NEBL: variants seen among roughly 807,000 people sequenced by gnomAD.
NEBL encodes the protein nebulette.
A neutral mutation model predicts 140.2 loss-of-function variants in NEBL; 122 were observed. The ratio of observed to expected loss-of-function variants is 0.87; its 90% CI spans 0.75 to 1.01. The LOEUF is 1.01. Ranked by LOEUF, NEBL falls within the 50% of genes least tolerant of loss-of-function variation. The probability of loss-of-function intolerance (pLI) is 0.00; values close to 1 mark genes in which losing one functional copy is unlikely to be tolerated. For missense variants in NEBL, 1,365 were observed against 1,231.3 expected (o/e 1.11, Z -1.62); for synonymous variants, 436 against 398.9 (o/e 1.09, Z -1.11).
upstream of NEBL, among the ~76,000 whole-genome samples, chr10:21,177,035 G>A (rs541448422): frequency 1.3e-5 from 2 of 152,300 alleles, no homozygotes; most frequent in East Asian, 3.9e-4. Flanking sequence ...AGAGTGTGAT[G>A]GATAGTATGA....
rs1225998751 is a variant in NEBL at position 20,834,238 on chromosome 10, T to A, written c.1449+1275A>T. ...CCCATTTAAGATTTTTTTAAGTCGC[T>A]GTGTGTACATGTGTATGTTTATCTA... On this transcript the variant is annotated intron_variant, in intron 14 of 27. Coordinates refer to ENST00000377122, the MANE Select transcript of NEBL (RefSeq NM_006393.3). Among the ~76,000 whole-genome samples, 2 of 152,168 alleles carry A rather than the reference T, an allele frequency of 1.3e-5. 1 individual carries two copies. Among genetic ancestry groups the A allele is most frequent in the East Asian group, 3.9e-4 (2 of 5,190 alleles).
At chr10:21,228,046 T>C (rs935164854) in intron 3 of NEBL, among the ~76,000 whole-genome samples, 1 of 151,996 alleles carries the variant, frequency 6.6e-6, no homozygotes, top group Non-Finnish European at 1.5e-5. Flanking sequence ...AGTGTTCCCA[T>C]ATGAAGGAGT....
chr10:21,066,824 C>T (rs201428884), intron 2 of NEBL, among the ~76,000 whole-genome samples: 19 of 121,570 alleles, frequency 1.6e-4, no homozygotes, highest in East Asian at 1.5e-3. Flanking sequence ...CATTGTTCTG[C>T]GGTTTTTCTA....
intron 4 of NEBL, among the ~76,000 whole-genome samples, chr10:20,905,731 G>T (rs1848065269): frequency 6.6e-6 from 1 of 152,140 alleles, no homozygotes; most frequent in Non-Finnish European, 1.5e-5. Flanking sequence ...AGAGACAAGA[G>T]TTGAAAGAAC....
At chr10:21,260,195 C>T (rs1842720446) in intron 1 of NEBL, among the ~76,000 whole-genome samples, 1 of 152,214 alleles carries the variant, frequency 6.6e-6, no homozygotes, top group African/African-American at 2.4e-5. Flanking sequence ...TGAAACAGCT[C>T]ATCCGGGAAT....
Position 20,936,409 on chromosome 10 carries a change from A to G in NEBL, c.357+25263T>C, listed in dbSNP as rs533438328. Among the ~76,000 whole-genome samples, 4 of 152,346 alleles carry G rather than the reference A, an allele frequency of 2.6e-5. No homozygotes were observed. In the South Asian group the frequency reaches 8.3e-4, roughly 32 times the overall value. On this transcript the variant is annotated intron_variant, in intron 4 of 6. Coordinates refer to the NEBL transcript ENST00000417816. Reference sequence around the variant, plus strand: ...GTTTATGCCTAACAGGCTATTGCAAATGGAACCTAAAAAATGGTGGACAAA... The same window carrying G: ...GTTTATGCCTAACAGGCTATTGCAAGTGGAACCTAAAAAATGGTGGACAAA...
chr10:20,930,235 A>C (rs1472528109), intron 4 of NEBL, among the ~76,000 whole-genome samples: 1 of 152,178 alleles, frequency 6.6e-6, no homozygotes, highest in Non-Finnish European at 1.5e-5. Context: ...CATTTACTAG[A>C]AACAAAATTC....
chr10:21,023,802 T>G (rs1354652498), intron 2 of NEBL, among the ~76,000 whole-genome samples: 3 of 152,248 alleles, frequency 2.0e-5, no homozygotes, highest in African/African-American at 7.2e-5. Context: ...GAGAGTGCAA[T>G]TTGTGTCTCT....
rs373554716 is a variant in NEBL at position 20,991,264 on chromosome 10, CA to C, written c.249+28852del. On this transcript the variant is annotated intron_variant, in intron 3 of 6. Coordinates refer to the NEBL transcript ENST00000417816. ...AGTACATTTATAACTGTCAAGCCCT[CA>C]AAAAAAAAATGCTATTAGCTTGATG... Among the ~76,000 whole-genome samples the C allele has an allele frequency of 2.5e-3, 362 of 145,556 alleles. 1 individual carries two copies. The highest frequency in any genetic ancestry group is 8.1e-3 in the African/African-American group (322 of 39,888).
intron 7 of NEBL, among the ~76,000 whole-genome samples, chr10:20,861,333 A>C (rs968078220): frequency 6.6e-6 from 1 of 152,078 alleles, no homozygotes; most frequent in Non-Finnish European, 1.5e-5. Flanking sequence ...GCTCGCCACC[A>C]CGCTCAGCTA....
intron 4 of NEBL, among the ~76,000 whole-genome samples, chr10:20,956,820 T>C (rs1189175466): frequency 2.6e-5 from 4 of 152,212 alleles, no homozygotes; most frequent in Non-Finnish European, 5.9e-5. Context: ...TCCTTCAGTG[T>C]CTGTTGTTCA....
chr10:21,067,872 A>G (rs1304355375), intron 2 of NEBL, among the ~76,000 whole-genome samples: 1 of 152,106 alleles, frequency 6.6e-6, no homozygotes, highest in Non-Finnish European at 1.5e-5. Flanking sequence ...CCAGCTACTC[A>G]GGAGGCTGAG....
In NEBL at chr10:21,115,489, T is replaced by C. The variant is rs115369018; in HGVS notation, c.164+56894A>G. 4.7e-3 allele frequency among the ~76,000 whole-genome samples: 708 copies of C among 152,184 alleles called. 5 individuals are homozygous for C. Among genetic ancestry groups the C allele is most frequent in the African/African-American group, 0.016 (673 of 41,548 alleles). On this transcript the variant is annotated intron_variant, in intron 2 of 6. Transcript: ENST00000417816. ...TGTGTCTGGGAAGGTCTTTATTTCA[T>C]CTATTCTTTAATTTTTTTTTCACTT... is the stretch of plus-strand genomic sequence containing the variant.
chr10:20,836,656 G>A (rs193130804), intron 13 of NEBL, among the ~76,000 whole-genome samples: 106 of 152,256 alleles, frequency 7.0e-4, no homozygotes, highest in African/African-American at 2.4e-3. Flanking sequence ...TTTGCAAGAG[G>A]GAGGAGCCTG....
chr10:20,796,587 C>T (rs1356478292), intron 26 of NEBL, among the ~76,000 whole-genome samples: 1 of 152,038 alleles, frequency 6.6e-6, no homozygotes, highest in Non-Finnish European at 1.5e-5. Flanking sequence ...TCTGACAGAA[C>T]TGAGCTAAAC....
intron 2 of NEBL, among the ~76,000 whole-genome samples, chr10:21,081,688 G>T (rs1486888819): frequency 6.6e-6 from 1 of 152,166 alleles, no homozygotes; most frequent in African/African-American, 2.4e-5. Flanking sequence ...TCGGAGAAGT[G>T]ATTGATTCCA....
chr10:21,046,203 A>G (rs2131842201), intron 2 of NEBL, among the ~76,000 whole-genome samples: 2 of 152,328 alleles, frequency 1.3e-5, no homozygotes, highest in African/African-American at 4.8e-5. Context: ...ACAAAGCAGA[A>G]AATGGTGATT....
At chr10:21,181,784 C>A (rs1277302527) in intron 3 of NEBL, among the ~76,000 whole-genome samples, 1 of 152,248 alleles carries the variant, frequency 6.6e-6, no homozygotes, top group Non-Finnish European at 1.5e-5. Flanking sequence ...GGCCCTCCTG[C>A]TTCTCTTGGC....
intron 4 of NEBL, among the ~76,000 whole-genome samples, chr10:20,907,725 A>C (rs144486044): frequency 1.0e-3 from 154 of 152,290 alleles, no homozygotes; most frequent in Non-Finnish European, 1.9e-3. Context: ...GAAATTTAAA[A>C]ATTTTCAAGT....
Sources: gnomAD v4.1 joint callset for allele counts (sites outside exome capture counted in the v4.1 genomes callset) on GRCh38, gnomAD v4.1.1 for gene constraint, MANE v1.5 for transcripts, NCBI Gene and HGNC (gene_info 2026-07-23, HGNC 2026-07-21) for gene names.